The following TMOD2 variants were observed in gnomAD, a reference collection of about 807,000 sequenced individuals.
TMOD2 encodes the protein tropomodulin-2.
TMOD2 carries 22 observed loss-of-function variants against 39.9 expected under a neutral mutation model. That is an observed-to-expected ratio of 0.55 (90% CI 0.39 to 0.79). The LOEUF is 0.79. TMOD2 is among the 30% of genes least tolerant of loss of function. The pLI is 0.00. For synonymous variants in TMOD2, 123 were observed against 146.1 expected (o/e 0.84, Z 1.14); for missense variants, 386 against 413.3 (o/e 0.93, Z 0.57).
At chr15:51,763,038 A>C (rs1265816782) in intron 1 of TMOD2, among the ~76,000 whole-genome samples, 1 of 151,964 alleles carries the variant, frequency 6.6e-6, no homozygotes, top group East Asian at 1.9e-4. Flanking sequence ...TGGCTGAAGC[A>C]ATTCTCCCAC....
intron 3 of TMOD2, among the ~76,000 whole-genome samples, chr15:51,772,155 T>C (rs2055857792): frequency 6.6e-6 from 1 of 152,082 alleles, no homozygotes; most frequent in South Asian, 2.1e-4. Flanking sequence ...TCCTTTCCCA[T>C]AGGAGTGGGA....
At chr15:51,753,676 C>T (rs1298022957) in intron 1 of TMOD2, among the ~76,000 whole-genome samples, 1 of 151,044 alleles carries the variant, frequency 6.6e-6, no homozygotes. Flanking sequence ...TTGTGGTTAC[C>T]TAGACCAGAC....
chr15:51,798,754 G>A (rs1349033511), intron 8 of TMOD2, among the ~76,000 whole-genome samples: 3 of 152,200 alleles, frequency 2.0e-5, no homozygotes, highest in East Asian at 1.9e-4. Context: ...CAGGGTAGCC[G>A]TGTCCAAAGA....
At chr15:51,775,375 C>T (rs2055879533) in intron 4 of TMOD2, among the ~76,000 whole-genome samples, 1 of 152,040 alleles carries the variant, frequency 6.6e-6, no homozygotes, top group South Asian at 2.1e-4. Flanking sequence ...GGAACTGATC[C>T]ATTAGCCCAT....
At chr15:51,790,049 C>CA (rs1324746609) in intron 7 of TMOD2, among the ~76,000 whole-genome samples, 2 of 151,962 alleles carry the variant, frequency 1.3e-5, no homozygotes, top group Admixed American at 6.6e-5. Context: ...AAAAACTCTT[C>CA]AAAAAATCAA....
At chr15:51,799,850 C>T (rs1284148189) in intron 8 of TMOD2, among the ~76,000 whole-genome samples, 1 of 152,050 alleles carries the variant, frequency 6.6e-6, no homozygotes, top group Non-Finnish European at 1.5e-5. Context: ...TAAATATTTC[C>T]AGGGAAACTA....
rs2056065101 is a variant in TMOD2, at chr15:51,798,229, C to T, written c.765C>T (p.Thr255=). 6.2e-7 allele frequency: 1 copy of T among 1,611,128 alleles called. No homozygotes were observed. Among genetic ancestry groups the T allele is most frequent in the Non-Finnish European group, 8.5e-7 (1 of 1,179,116 alleles). ...CAGACATGCTGAAAGTAAACAAGAC[C>T]TTGACAAGTCTAAACATAGAATCCA... is the stretch of plus-strand genomic sequence containing the variant. The part of the protein sequence containing the change: ...AFADMLKVNK[T]LTSLNIESNF... Residue 255 remains threonine, a synonymous_variant, in exon 8 of 10, where the codon ACC becomes ACT. Coordinates refer to ENST00000249700, the MANE Select transcript of TMOD2 (RefSeq NM_014548.4).
At chr15:51,766,837 G>C (rs1404803440) in intron 2 of TMOD2, 1 of 245,604 alleles carries the variant, frequency 4.1e-6, no homozygotes, top group Non-Finnish European at 7.8e-6. Flanking sequence ...GTCTTGTTTA[G>C]GGGAAAAAGA....
intron 8 of TMOD2, among the ~76,000 whole-genome samples, chr15:51,800,762 A>C (rs192644050): frequency 6.6e-6 from 1 of 152,140 alleles, no homozygotes. Context: ...CTAGAGTACA[A>C]TGATGCAGTG....
intron 7 of TMOD2, among the ~76,000 whole-genome samples, chr15:51,792,911 T>A (rs866755828): frequency 2.0e-5 from 3 of 152,102 alleles, no homozygotes; most frequent in African/African-American, 7.2e-5. Context: ...ATACCTAATG[T>A]AGGTGACAGG....
chr15:51,777,867 G>T (rs2055899843), intron 5 of TMOD2, among the ~76,000 whole-genome samples: 1 of 152,136 alleles, frequency 6.6e-6, no homozygotes, highest in Non-Finnish European at 1.5e-5. Flanking sequence ...GGAGAAATAG[G>T]AACACTTTTA....
chr15:51,758,210 A>G (rs1439695340), intron 1 of TMOD2, among the ~76,000 whole-genome samples: 5 of 152,138 alleles, frequency 3.3e-5, no homozygotes, highest in African/African-American at 1.2e-4. Context: ...GACACAACAT[A>G]GGCAATTTGT....
chr15:51,763,075 CAGGCATG>C (rs1368842356), intron 1 of TMOD2, among the ~76,000 whole-genome samples: 2 of 151,324 alleles, frequency 1.3e-5, no homozygotes, highest in African/African-American at 4.9e-5. Context: ...ACTGGGACTA[CAGGCATG>C]TGCCACCATG....
intron 8 of TMOD2, among the ~76,000 whole-genome samples, chr15:51,805,416 G>A (rs1036245767): frequency 2.6e-5 from 4 of 152,032 alleles, no homozygotes; most frequent in African/African-American, 7.3e-5. Context: ...TCATCCAAAC[G>A]TGTACATGGT....
At chr15:51,754,670 T>C (rs1357502064) in intron 1 of TMOD2, among the ~76,000 whole-genome samples, 1 of 152,226 alleles carries the variant, frequency 6.6e-6, no homozygotes, top group African/African-American at 2.4e-5. Context: ...ACATAGAATG[T>C]TAATGGGTTA....
At chr15:51,801,984 A>G in intron 8 of TMOD2, among the ~76,000 whole-genome samples, 1 of 150,838 alleles carries the variant, frequency 6.6e-6, no homozygotes, top group Non-Finnish European at 1.5e-5. Context: ...AATACACTAC[A>G]TACTTAGATA....
At chr15:51,760,876 A>G (rs1404243156) in intron 1 of TMOD2, among the ~76,000 whole-genome samples, 2 of 152,204 alleles carry the variant, frequency 1.3e-5, no homozygotes, top group Non-Finnish European at 2.9e-5. Flanking sequence ...GTAAAGTAAC[A>G]TATAGATGTG....
At chr15:51,801,180 G>A (rs1038025794) in intron 8 of TMOD2, among the ~76,000 whole-genome samples, 1 of 144,208 alleles carries the variant, frequency 6.9e-6, no homozygotes, top group Non-Finnish European at 1.5e-5. Context: ...TTCCACCTTG[G>A]ACAACAGACC....
At chr15:51,791,409 T>A (rs1028049202) in intron 7 of TMOD2, among the ~76,000 whole-genome samples, 1 of 152,128 alleles carries the variant, frequency 6.6e-6, no homozygotes, top group Non-Finnish European at 1.5e-5. Context: ...AGAATCAATA[T>A]CATGAAAATG....
Sources: allele counts gnomAD v4.1 joint callset (sites outside exome capture counted in the v4.1 genomes callset), GRCh38; gene constraint gnomAD v4.1.1; transcripts MANE v1.5; gene names NCBI Gene and HGNC (gene_info 2026-07-23, HGNC 2026-07-21).